GPHN: variants seen among roughly 807,000 people sequenced by gnomAD.
GPHN encodes gephyrin.
A neutral mutation model predicts 95.5 loss-of-function variants in GPHN; 17 were observed. The ratio of observed to expected loss-of-function variants is 0.18; its 90% CI spans 0.12 to 0.27. The LOEUF is 0.27. Ranked by LOEUF, GPHN falls within the 10% of genes least tolerant of loss-of-function variation. The pLI is 1.00. For synonymous variants in GPHN, 320 were observed against 322.5 expected (o/e 0.99, Z 0.08); for missense variants, 660 against 978.1 (o/e 0.67, Z 4.34).
chr14:67,585,409 C>G, the GPHN span: 1 of 610,012 alleles, frequency 1.6e-6, no homozygotes, highest in Non-Finnish European at 2.9e-6. Context: ...TGTCTATTTC[C>G]TGCATACACT....
At chr14:66,725,642 C>A (rs1384982374) in intron 2 of GPHN, among the ~76,000 whole-genome samples, 1 of 152,110 alleles carries the variant, frequency 6.6e-6, no homozygotes, top group African/African-American at 2.4e-5. Flanking sequence ...CGCCACCACG[C>A]CTGGCTAATT....
chr14:67,387,276 CTT>C, the GPHN span: 6 of 1,565,042 alleles, frequency 3.8e-6, no homozygotes, highest in Admixed American at 1.0e-4. Context: ...TCCAGGAACT[CTT>C]GTCTGTGTCA....
At position 66,871,776 on chromosome 14, in the gene GPHN, G is replaced by A. The variant is rs113419602; in HGVS notation, c.295-8163G>A. Among the ~76,000 whole-genome samples the A allele has an allele frequency of 3.1e-3, 473 of 152,146 alleles. 11 individuals carry two copies. The highest frequency in any genetic ancestry group is 0.011 in the African/African-American group (446 of 41,530). On this transcript the variant is annotated intron_variant, in intron 4 of 22. Transcript: ENST00000478722. ...ACAACACACACTGGGGCCTGTCGGC[G>A]GGGTGAGGGGGAAGGGGAGGGAGGG...
the GPHN span, among the ~76,000 whole-genome samples, chr14:67,450,525 AC>A: frequency 6.6e-6 from 1 of 152,288 alleles, no homozygotes; most frequent in African/African-American, 2.4e-5. Flanking sequence ...GAAATGAGGA[AC>A]TTGTTGGGAA....
chr14:66,574,051 T>C (rs971894236), intron 1 of GPHN, among the ~76,000 whole-genome samples: 4 of 152,234 alleles, frequency 2.6e-5, no homozygotes, highest in Non-Finnish European at 5.9e-5. Context: ...TACTACTAAC[T>C]TTGCATTTTC....
the GPHN span, chr14:67,317,413 C>T: frequency 6.2e-7 from 1 of 1,610,322 alleles, no homozygotes; most frequent in South Asian, 1.1e-5. Context: ...AACAGGAAAA[C>T]TGTGGTGTGC....
chr14:67,353,140 G>T, the GPHN span: 1 of 849,758 alleles, frequency 1.2e-6, no homozygotes, highest in African/African-American at 1.7e-5. Context: ...ATCCTTTGAT[G>T]TGATGAAAGT....
At chr14:67,681,607 C>T in the GPHN span, among the ~76,000 whole-genome samples, 1 of 152,098 alleles carries the variant, frequency 6.6e-6, no homozygotes, top group Admixed American at 6.6e-5. Context: ...CGTGGCAAAA[C>T]CCCATCTCTA....
chr14:66,850,071 A>G (rs1049293174), intron 4 of GPHN, among the ~76,000 whole-genome samples: 2 of 152,088 alleles, frequency 1.3e-5, no homozygotes, highest in Admixed American at 1.3e-4. Flanking sequence ...TTTATGTTCT[A>G]ACTATCCTTT....
chr14:66,971,574 TAG>T (rs987658295), intron 9 of GPHN, among the ~76,000 whole-genome samples: 1 of 152,192 alleles, frequency 6.6e-6, no homozygotes, highest in African/African-American at 2.4e-5. Context: ...TATAGATATA[TAG>T]TTAGAAAAGG....
chr14:66,901,266 A>G (rs1456280569), intron 5 of GPHN, among the ~76,000 whole-genome samples: 2 of 152,020 alleles, frequency 1.3e-5, no homozygotes, highest in Admixed American at 1.3e-4. Flanking sequence ...AGCTCCTTAG[A>G]TAGTCTAGTT....
In GPHN at chr14:67,143,460, T is replaced by C. The variant is rs1161650463; in HGVS notation, c.1836+11T>C. The C allele has an allele frequency of 6.7e-7, 1 of 1,497,896 alleles. No individual in the cohort carries two copies. The highest frequency in any genetic ancestry group is 9.3e-7 in the Non-Finnish European group (1 of 1,073,990). 92.8% of individuals were successfully genotyped at this position (1,497,896 alleles called of 1,614,324 possible). ...TCCATGGGGGAAAAGGTATGAAAGATAGGGCTCGTGAAAATGTATCTGCTG... is the reference window on the plus strand; with the variant it reads ...TCCATGGGGGAAAAGGTATGAAAGACAGGGCTCGTGAAAATGTATCTGCTG... On this transcript the variant is annotated intron_variant, in intron 18 of 22. Coordinates refer to ENST00000478722, the MANE Select transcript of GPHN (RefSeq NM_020806.5).
At chr14:66,686,294 T>C (rs1330905942) in intron 2 of GPHN, among the ~76,000 whole-genome samples, 2 of 152,214 alleles carry the variant, frequency 1.3e-5, no homozygotes, top group Non-Finnish European at 2.9e-5. Flanking sequence ...AAAGTCATGG[T>C]AGCTTGATAG....
intron 1 of GPHN, among the ~76,000 whole-genome samples, chr14:66,602,491 G>A (rs2062300988): frequency 1.3e-5 from 2 of 151,916 alleles, no homozygotes; most frequent in African/African-American, 2.4e-5. Flanking sequence ...AACCTATTCT[G>A]TTTCAGCACC....
the GPHN span, among the ~76,000 whole-genome samples, chr14:67,631,800 T>C: frequency 6.6e-6 from 1 of 152,168 alleles, no homozygotes; most frequent in South Asian, 2.1e-4. Context: ...ATTCTCCTGC[T>C]TTATCCTGTC....
At chr14:67,023,505 T>G in intron 9 of GPHN, 128 bp from the exon 10 acceptor site, 1 of 681,828 alleles carries the variant, frequency 1.5e-6, no homozygotes. Context: ...TACTAACATG[T>G]TATGACATCT....
At chr14:66,587,304 A>G (rs946099033) in intron 1 of GPHN, among the ~76,000 whole-genome samples, 3 of 152,350 alleles carry the variant, frequency 2.0e-5, no homozygotes, top group African/African-American at 7.2e-5. Context: ...ACAAACATTT[A>G]AAGAAGAAGT....
chr14:67,486,421 C>T, the GPHN span, among the ~76,000 whole-genome samples: 1 of 152,224 alleles, frequency 6.6e-6, no homozygotes, highest in Non-Finnish European at 1.5e-5. Context: ...ACCACAGGTG[C>T]ATGCCACAAT....
At chr14:67,462,636 G>A in the GPHN span, among the ~76,000 whole-genome samples, 36 of 152,336 alleles carry the variant, frequency 2.4e-4, 1 homozygote, top group East Asian at 5.6e-3. Context: ...GAGCCACCAC[G>A]CCCGGCCAAC....
Sources: allele counts gnomAD v4.1 joint callset (sites outside exome capture counted in the v4.1 genomes callset), GRCh38; gene constraint gnomAD v4.1.1; transcripts MANE v1.5; gene names NCBI Gene and HGNC (gene_info 2026-07-23, HGNC 2026-07-21).